Variants in KCNJ3 observed in about 807,000 individuals in gnomAD.
KCNJ3 encodes potassium inwardly rectifying channel subfamily J member 3.
A neutral mutation model predicts 39.2 loss-of-function variants in KCNJ3; 4 were observed. The observed-to-expected ratio is 0.10, with a 90% confidence interval of 0.05 to 0.23. The LOEUF is 0.23. Among genes scored for constraint, KCNJ3 ranks in the 10% least tolerant of loss-of-function variants. The pLI, the probability that KCNJ3 is intolerant of heterozygous loss-of-function variation, is 1.00. For missense variants in KCNJ3, 276 were observed against 634.9 expected, an observed-to-expected ratio of 0.43 and a Z score of 6.08; for synonymous variants, 230 against 237.4, an observed-to-expected ratio of 0.97 and a Z score of 0.29.
chr2:154,828,065 G>A, intron 2 of KCNJ3, among the ~76,000 whole-genome samples: 1 of 152,020 alleles, frequency 6.6e-6, no homozygotes, highest in East Asian at 1.9e-4. Flanking sequence ...CATTAAATGG[G>A]TGGCAAGGTT....
chr2:154,789,807 A>G (rs937510108), intron 2 of KCNJ3, among the ~76,000 whole-genome samples: 7 of 152,130 alleles, frequency 4.6e-5, no homozygotes, highest in Non-Finnish European at 1.0e-4. Context: ...CTATTAAAAC[A>G]TAAATAGGTC....
chr2:154,704,135 A>T (rs1167913300), intron 1 of KCNJ3, among the ~76,000 whole-genome samples: 3 of 152,050 alleles, frequency 2.0e-5, no homozygotes, highest in East Asian at 3.8e-4. Flanking sequence ...TTTTTAAAAT[A>T]GTGGTAATAT....
intron 1 of KCNJ3, chr2:154,709,332 A>G (rs1458519137): frequency 4.3e-6 from 2 of 467,000 alleles, no homozygotes; most frequent in South Asian, 2.3e-5. Flanking sequence ...GCTAACAACC[A>G]TTGTTGGACC....
In KCNJ3 at chr2:154,855,694, G is replaced by A. The variant is rs2105143781; in HGVS notation, c.*381G>A. On this transcript the variant is annotated 3_prime_UTR_variant, in exon 3 of 3. Coordinates refer to ENST00000295101, the MANE Select transcript of KCNJ3 (RefSeq NM_002239.4). ...AACATATGTATTAAGCCAAACATGA[G>A]TGAATAGCTTTCAGGGCGATAAAAC... is the stretch of plus-strand genomic sequence containing the variant. The A allele has an allele frequency of 6.3e-6, 1 of 157,910 alleles. No individual in the cohort carries two copies. Among genetic ancestry groups the A allele is most frequent in the South Asian group, 1.8e-4 (1 of 5,556 alleles). The allele number at this position is 157,910 out of a possible 1,614,324, so 9.8% of individuals were successfully genotyped here.
chr2:154,820,315 T>A (rs1687150490), intron 2 of KCNJ3, among the ~76,000 whole-genome samples: 1 of 152,226 alleles, frequency 6.6e-6, no homozygotes, highest in Admixed American at 6.5e-5. Context: ...TGTGTTTTCT[T>A]ACGATGTTAG....
intron 2 of KCNJ3, among the ~76,000 whole-genome samples, chr2:154,777,019 A>G (rs951564837): frequency 6.7e-6 from 1 of 150,270 alleles, no homozygotes; most frequent in Non-Finnish European, 1.5e-5. Context: ...AAGTCTCTCC[A>G]ACCAGTTTTC....
At chr2:154,808,412 G>T (rs1201647210) in intron 2 of KCNJ3, among the ~76,000 whole-genome samples, 3 of 152,036 alleles carry the variant, frequency 2.0e-5, no homozygotes, top group Non-Finnish European at 2.9e-5. Context: ...ATGTGTTGAG[G>T]TGGATTACAC....
chr2:154,820,995 C>T (rs747821241), intron 2 of KCNJ3, among the ~76,000 whole-genome samples: 9 of 152,092 alleles, frequency 5.9e-5, no homozygotes, highest in Admixed American at 3.9e-4. Context: ...CTCTGTATCA[C>T]GTCTATGTTT....
At chr2:154,818,006 A>T (rs535812685) in intron 2 of KCNJ3, among the ~76,000 whole-genome samples, 1 of 152,198 alleles carries the variant, frequency 6.6e-6, no homozygotes, top group Admixed American at 6.6e-5. Flanking sequence ...TTTTTATACT[A>T]TTATCTCTCT....
chr2:154,822,492 CA>C (rs1687201872), intron 2 of KCNJ3, among the ~76,000 whole-genome samples: 1 of 152,112 alleles, frequency 6.6e-6, no homozygotes. Context: ...TTCATTTTTA[CA>C]AATAAAATAG....
chr2:154,743,736 C>T (rs918158991), intron 2 of KCNJ3, among the ~76,000 whole-genome samples: 9 of 151,354 alleles, frequency 5.9e-5, no homozygotes, highest in African/African-American at 2.2e-4. Flanking sequence ...TTAAAGGTTG[C>T]TATTTTTTTT....
At position 154,699,246 on chromosome 2, in the gene KCNJ3, G is replaced by A. The variant is rs752225565; in HGVS notation, c.471G>A (p.Glu157=). 1 of 1,613,958 alleles carries A rather than the reference G, an allele frequency of 6.2e-7. No individual in the cohort carries two copies. The highest frequency in any genetic ancestry group is 2.2e-5 in the East Asian group (1 of 44,878). The change falls in exon 1 of 3, where the codon GAG becomes GAA. Residue 157 remains glutamate (E), a synonymous_variant. Transcript: ENST00000295101. The surrounding 1 kb of genome is among the most constrained non-coding windows in gnomAD (Gnocchi z 6.4). ...GYRYITDKCP[E]GIILFLFQSI... is the part of the protein sequence containing the mutation. ...GATACATCACAGACAAGTGCCCCGA[G>A]GGCATCATCCTCTTCCTCTTCCAGT...
chr2:154,737,978 G>A (rs904591967), intron 2 of KCNJ3, among the ~76,000 whole-genome samples: 4 of 152,062 alleles, frequency 2.6e-5, no homozygotes, highest in South Asian at 2.1e-4. Context: ...GATTAAATTC[G>A]TTAAAATTAG....
At chr2:154,802,433 A>G (rs909363845) in intron 2 of KCNJ3, among the ~76,000 whole-genome samples, 2 of 152,060 alleles carry the variant, frequency 1.3e-5, no homozygotes, top group Non-Finnish European at 2.9e-5. Flanking sequence ...TTCATTTCAC[A>G]TTGCCAGTTT....
At chr2:154,788,812 A>G (rs1686579610) in intron 2 of KCNJ3, among the ~76,000 whole-genome samples, 1 of 151,874 alleles carries the variant, frequency 6.6e-6, no homozygotes, top group South Asian at 2.1e-4. Context: ...AAGAATTACT[A>G]GCAAATATAT....
At chr2:154,734,284 A>C (rs1685488308) in intron 2 of KCNJ3, among the ~76,000 whole-genome samples, 1 of 152,190 alleles carries the variant, frequency 6.6e-6, no homozygotes, top group Non-Finnish European at 1.5e-5. Flanking sequence ...ATTCTGGAGG[A>C]AATAGCTGGA....
intron 2 of KCNJ3, among the ~76,000 whole-genome samples, chr2:154,713,082 G>A (rs1558853604): frequency 6.6e-6 from 1 of 151,892 alleles, no homozygotes; most frequent in Admixed American, 6.6e-5. Context: ...AGAGGAGGAA[G>A]GGCCTATCTG....
intron 1 of KCNJ3, among the ~76,000 whole-genome samples, chr2:154,700,989 T>G (rs1684884712): frequency 2.0e-5 from 3 of 152,184 alleles, no homozygotes; most frequent in Admixed American, 6.5e-5. Flanking sequence ...CATATATAAT[T>G]AATTTCAATG....
chr2:154,846,934 G>A (rs1266443429), intron 2 of KCNJ3, among the ~76,000 whole-genome samples: 1 of 152,028 alleles, frequency 6.6e-6, no homozygotes, highest in East Asian at 1.9e-4. Context: ...CTTTGACCTA[G>A]CTTGAGCAGT....
Sources: gnomAD v4.1 joint callset for allele counts (sites outside exome capture counted in the v4.1 genomes callset) on GRCh38, gnomAD v4.1.1 for gene constraint, Gnocchi (gnomAD v3.1) non-coding constraint, MANE v1.5 for transcripts, NCBI Gene and HGNC (gene_info 2026-07-23, HGNC 2026-07-21) for gene names.